PCBP3: variants seen among roughly 807,000 people sequenced by gnomAD.
PCBP3 encodes the protein poly(rC)-binding protein 3.
Under a neutral mutation model 52.7 loss-of-function variants are expected in PCBP3, and 25 were observed. The observed-to-expected ratio is 0.47, with a 90% confidence interval of 0.35 to 0.66. The LOEUF is 0.66. PCBP3 is among the 30% of genes least tolerant of loss of function. The pLI is 0.01. For missense variants in PCBP3, 391 were observed against 490.3 expected, an observed-to-expected ratio of 0.80 and a Z score of 1.91; for synonymous variants, 162 against 183.0, an observed-to-expected ratio of 0.89 and a Z score of 0.93.
intron 3 of PCBP3, among the ~76,000 whole-genome samples, chr21:45,740,400 C>T (rs1358000379): frequency 6.6e-6 from 1 of 152,216 alleles, no homozygotes; most frequent in Non-Finnish European, 1.5e-5. Flanking sequence ...CCTTGATTTT[C>T]AGCCAGATTG....
intron 5 of PCBP3, among the ~76,000 whole-genome samples, chr21:45,888,940 G>A (rs755330658): frequency 2.6e-5 from 4 of 152,224 alleles, no homozygotes; most frequent in African/African-American, 9.6e-5. Context: ...TTAAACACAC[G>A]TGGACAGTAT....
Position 45,941,653 on chromosome 21 carries a change from G to A in PCBP3, c.1080-17G>A. 6.2e-7 allele frequency: 1 copy of A among 1,605,198 alleles called. No homozygotes were observed. The highest frequency in any genetic ancestry group is 1.7e-4 in the Middle Eastern group (1 of 6,034). ...GGTTGTGACCGTCTCTCCCTCTCCTGCCTTTGTCTGTTCCAGGCTGACGTC... is the reference window on the plus strand; with the variant it reads ...GGTTGTGACCGTCTCTCCCTCTCCTACCTTTGTCTGTTCCAGGCTGACGTC... On this transcript the variant is annotated splice_polypyrimidine_tract_variant and intron_variant, in intron 17 of 17. Coordinates refer to ENST00000681687, the MANE Select transcript of PCBP3 (RefSeq NM_001384156.1).
chr21:45,867,613 C>T lies in PCBP3; in HGVS notation c.10+17518C>T, dbSNP rs537739615. On this transcript the variant is annotated intron_variant, in intron 5 of 17. Transcript: ENST00000681687. ...TGCACAGACATGGTCCAGGTGTTTG[C>T]GACGTGATTGTTTATCAGAGAGAGA... Among the ~76,000 whole-genome samples, 58 of 152,386 alleles carry T rather than the reference C, an allele frequency of 3.8e-4. 1 individual carries two copies. The highest frequency in any genetic ancestry group is 1.2e-3 in the African/African-American group (51 of 41,594).
At position 45,731,916 on chromosome 21, in the gene PCBP3, T is replaced by C. The variant is rs1198378538; in HGVS notation, c.-199-3476T>C. Among the ~76,000 whole-genome samples, 5 of 152,136 alleles carry C rather than the reference T, an allele frequency of 3.3e-5. No homozygotes were observed. The East Asian group carries it at 9.6e-4, about 29-fold the overall frequency. On this transcript the variant is annotated intron_variant, in intron 2 of 17. Transcript: ENST00000681687. ...CATAGTCTATTATCTTTGAAAGCAATCTTAAAAAATTAAGAACAAAAGGCT... is the reference window on the plus strand; with the variant it reads ...CATAGTCTATTATCTTTGAAAGCAACCTTAAAAAATTAAGAACAAAAGGCT...
chr21:45,667,075 G>GTTCGTTCGTTCTTTCTTTCTTTCT (rs1357637647), intron 1 of PCBP3, among the ~76,000 whole-genome samples: 52 of 147,668 alleles, frequency 3.5e-4, no homozygotes, highest in African/African-American at 1.2e-3. Flanking sequence ...GCATCTGTTT[G>GTTCGTTCGTTCTTTCTTTCTTTCT]TTCTTTCTTT....
At chr21:45,814,684 AGTGAGTG>A (rs2092800186) in intron 4 of PCBP3, among the ~76,000 whole-genome samples, 2 of 64,142 alleles carry the variant, frequency 3.1e-5, no homozygotes, top group East Asian at 5.5e-4. Context: ...GTGAGTGGTG[AGTGAGTG>A]GTGAGTGATG....
Position 45,935,288 on chromosome 21 carries a change from C to A in PCBP3, c.892C>A (p.Leu298Ile). Residue 298 changes from leucine to isoleucine, a missense_variant, in exon 16 of 18, where the codon CTC becomes ATC. Transcript: ENST00000681687. ...CAGCCCACCGGCCAGCACTCATGAG[C>A]TCACCATTCCCAATGATGTGAGTAT... Reference protein sequence around the residue: ...DASPPASTHELTIPNDLIGCI... With the variant: ...DASPPASTHEITIPNDLIGCI... 6.2e-7 allele frequency: 1 copy of A among 1,612,988 alleles called. No individual in the cohort carries two copies. The highest frequency in any genetic ancestry group is 1.7e-5 in the Admixed American group (1 of 60,014).
In PCBP3 at chr21:45,741,497, G is replaced by A. The variant is rs926010316; in HGVS notation, c.-162+6068G>A. Among the ~76,000 whole-genome samples the A allele has an allele frequency of 6.6e-6, 1 of 152,006 alleles. No homozygotes were observed. Among genetic ancestry groups the A allele is most frequent in the Non-Finnish European group, 1.5e-5 (1 of 68,000 alleles). Reference sequence around the variant, plus strand: ...ACATAAAGTTGTAAGATCAAGAATAGCAATACAAACTCAGTAATTAGAAAT... The same window carrying A: ...ACATAAAGTTGTAAGATCAAGAATAACAATACAAACTCAGTAATTAGAAAT... On this transcript the variant is annotated intron_variant, in intron 3 of 17. Coordinates refer to ENST00000681687, the MANE Select transcript of PCBP3 (RefSeq NM_001384156.1). The surrounding 1 kb of genome is among the most constrained non-coding windows in gnomAD (Gnocchi z 4.5).
intron 3 of PCBP3, among the ~76,000 whole-genome samples, chr21:45,738,183 C>T (rs1446880930): frequency 1.3e-5 from 2 of 151,832 alleles, no homozygotes; most frequent in East Asian, 3.9e-4. Context: ...GTAATGAATA[C>T]TTCATTGAAG....
intron 1 of PCBP3, among the ~76,000 whole-genome samples, chr21:45,662,995 T>C (rs567631990): frequency 3.0e-3 from 457 of 152,300 alleles, no homozygotes; most frequent in South Asian, 0.013. Context: ...CCCACAGTTA[T>C]CTGGAGGCTT....
chr21:45,709,013 T>G (rs2083644601), intron 2 of PCBP3, among the ~76,000 whole-genome samples: 1 of 152,242 alleles, frequency 6.6e-6, no homozygotes, highest in South Asian at 2.1e-4. Flanking sequence ...TTTCCTTGCT[T>G]GCTAGCGGCA....
intron 1 of PCBP3, among the ~76,000 whole-genome samples, chr21:45,661,927 C>T (rs978477483): frequency 6.6e-6 from 1 of 151,964 alleles, no homozygotes; most frequent in African/African-American, 2.4e-5. Flanking sequence ...GTTTTTTGGC[C>T]ATTTGTATAT....
chr21:45,881,729 C>T (rs566845254), intron 5 of PCBP3, among the ~76,000 whole-genome samples: 6 of 152,306 alleles, frequency 3.9e-5, no homozygotes, highest in South Asian at 4.1e-4. Context: ...CCCAACCCCC[C>T]GCAGTCCCCG....
chr21:45,830,403 T>G lies in PCBP3; in HGVS notation c.-125-19558T>G, dbSNP rs1176866954. The G allele has an allele frequency of 6.5e-6, 1 of 152,834 alleles. No homozygotes were observed. The highest frequency in any genetic ancestry group is 1.5e-5 in the Non-Finnish European group (1 of 68,136). The allele number at this position is 152,834 out of a possible 1,614,324, so 9.5% of individuals were successfully genotyped here. A position where few individuals can be genotyped will look rare whatever the true frequency, so the allele number is the denominator to read the frequency against. On this transcript the variant is annotated intron_variant, in intron 4 of 17. Coordinates refer to ENST00000681687, the MANE Select transcript of PCBP3 (RefSeq NM_001384156.1). The surrounding 1 kb of genome is among the most constrained non-coding windows in gnomAD (Gnocchi z 4.4). ...CATAGCCTTTCAGAGGCCTCTATAATGCGCCGAGCAGTTGTGTCACTGAAC... is the reference window on the plus strand; with the variant it reads ...CATAGCCTTTCAGAGGCCTCTATAAGGCGCCGAGCAGTTGTGTCACTGAAC...
At chr21:45,941,538 A>G (rs1285473464) in intron 17 of PCBP3, 132 bp from the exon 18 acceptor site, 2 of 717,794 alleles carry the variant, frequency 2.8e-6, no homozygotes, top group African/African-American at 3.6e-5. Flanking sequence ...TCTCCAGCTC[A>G]GGACCTCCTG....
chr21:45,870,432 G>A (rs1295711381), intron 5 of PCBP3, among the ~76,000 whole-genome samples: 3 of 152,126 alleles, frequency 2.0e-5, no homozygotes, highest in Non-Finnish European at 4.4e-5. Context: ...ATGCATCCAC[G>A]GGACCTGCCA....
Position 45,830,494 on chromosome 21 carries a change from A to G in PCBP3, c.-125-19467A>G, listed in dbSNP as rs2093420300. 1 of 152,692 alleles carries G rather than the reference A, an allele frequency of 6.5e-6. No homozygotes were observed. The highest frequency in any genetic ancestry group is 2.4e-5 in the African/African-American group (1 of 41,452). 9.5% of individuals were successfully genotyped at this position (152,692 alleles called of 1,614,324 possible). ...TGGGAGAGCAGGGTGGAGTGAGGCC[A>G]CTGACGCGGGAGCCCTGCTGTGGGG... On this transcript the variant is annotated intron_variant, in intron 4 of 17. Transcript: ENST00000681687. The surrounding 1 kb of genome is among the most constrained non-coding windows in gnomAD (Gnocchi z 4.4).
chr21:45,711,027 G>C (rs1451138236), intron 2 of PCBP3, among the ~76,000 whole-genome samples: 1 of 152,066 alleles, frequency 6.6e-6, no homozygotes, highest in Non-Finnish European at 1.5e-5. Context: ...TTCCTTTCTG[G>C]TACTACTGAA....
chr21:45,807,648 T>C (rs1443525390), intron 4 of PCBP3, among the ~76,000 whole-genome samples: 1 of 152,100 alleles, frequency 6.6e-6, no homozygotes, highest in Non-Finnish European at 1.5e-5. Context: ...TCCATGAAGC[T>C]ACCATTGACT....
Sources: gnomAD v4.1 joint callset for allele counts (sites outside exome capture counted in the v4.1 genomes callset) on GRCh38, gnomAD v4.1.1 for gene constraint, Gnocchi (gnomAD v3.1) non-coding constraint, MANE v1.5 for transcripts, NCBI Gene and HGNC (gene_info 2026-07-23, HGNC 2026-07-21) for gene names.